Variants in FBXO15 observed in about 807,000 individuals in gnomAD.
The protein encoded by FBXO15 is F-box protein 15.
In FBXO15, 30 loss-of-function variants were observed where a neutral mutation model predicts 49.5. That is an observed-to-expected ratio of 0.61 (90% CI 0.45 to 0.82). The LOEUF is 0.82. FBXO15 is among the 40% of genes least tolerant of loss of function. The pLI is 0.00. For missense variants in FBXO15, 591 were observed against 631.5 expected, an observed-to-expected ratio of 0.94 and a Z score of 0.69; for synonymous variants, 250 against 232.7, an observed-to-expected ratio of 1.07 and a Z score of -0.68.
intron 8 of FBXO15, among the ~76,000 whole-genome samples, chr18:74,103,787 A>G (rs1286500939): frequency 6.6e-6 from 1 of 152,126 alleles, no homozygotes; most frequent in Non-Finnish European, 1.5e-5. Context: ...CTATCTTTCA[A>G]ATATGAAGGA....
intron 1 of FBXO15, among the ~76,000 whole-genome samples, chr18:74,143,398 T>C (rs9961346): frequency 0.088 from 13,364 of 152,236 alleles, 1,079 homozygotes; most frequent in African/African-American, 0.21. Flanking sequence ...ATGCTGGCTA[T>C]GTTACAAAGA....
chr18:74,092,285 T>C (rs1446511522), intron 8 of FBXO15, among the ~76,000 whole-genome samples: 1 of 152,244 alleles, frequency 6.6e-6, no homozygotes, highest in Admixed American at 6.5e-5. Flanking sequence ...CATTTTATTG[T>C]AGTCCTTAGA....
At chr18:74,131,242 G>A (rs1021807883) in intron 3 of FBXO15, among the ~76,000 whole-genome samples, 6 of 152,160 alleles carry the variant, frequency 3.9e-5, no homozygotes, top group African/African-American at 1.4e-4. Flanking sequence ...GTCAAGCATC[G>A]TTTAACCACT....
chr18:74,078,319 G>A (rs1912337089), intron 9 of FBXO15, among the ~76,000 whole-genome samples: 1 of 151,684 alleles, frequency 6.6e-6, no homozygotes, highest in African/African-American at 2.4e-5. Flanking sequence ...TCTTTCCTGA[G>A]GGTTTCAAGG....
Position 74,129,592 on chromosome 18 carries a change from T to G in FBXO15, c.598A>C (p.Ile200Leu), listed in dbSNP as rs199653489. The stretch of plus-strand genomic sequence containing the variant: ...TTTCCACCTTTTTCTTTCAGTATAA[T>G]TGCCCAACCTAAACCAAATATTCTG... ...ALRIFGLGWA[I>L]ILKEKGGKEY... Residue 200 changes from isoleucine (I) to leucine (L), a missense_variant, in exon 5 of 10, where the codon ATT becomes CTT. Ile to Leu is a conservative substitution (Grantham distance 5, BLOSUM62 2). Transcript: ENST00000419743. 6.2e-7 allele frequency: 1 copy of G among 1,612,052 alleles called. No individual in the cohort carries two copies. The highest frequency in any genetic ancestry group is 1.1e-5 in the South Asian group (1 of 90,894).
At chr18:74,118,696 T>C (rs1159440827) in intron 8 of FBXO15, among the ~76,000 whole-genome samples, 1 of 152,150 alleles carries the variant, frequency 6.6e-6, no homozygotes, top group Non-Finnish European at 1.5e-5. Flanking sequence ...AACTATGTCT[T>C]ATAAGCCATC....
chr18:74,114,745 G>T (rs1019486239), intron 8 of FBXO15, among the ~76,000 whole-genome samples: 1 of 151,996 alleles, frequency 6.6e-6, no homozygotes, highest in Non-Finnish European at 1.5e-5. Flanking sequence ...GCAAGTCTAG[G>T]GATCATACAT....
intron 8 of FBXO15, among the ~76,000 whole-genome samples, chr18:74,092,470 G>T (rs1691248855): frequency 6.6e-6 from 1 of 152,288 alleles, no homozygotes; most frequent in African/African-American, 2.4e-5. Flanking sequence ...AGTTGCCAGA[G>T]TTCTTGCAAT....
intron 1 of FBXO15, among the ~76,000 whole-genome samples, chr18:74,145,593 A>ATTTTTTTTT (rs1568186088): frequency 2.8e-5 from 3 of 108,140 alleles, no homozygotes; most frequent in African/African-American, 1.4e-4. Flanking sequence ...AACCAACTGC[A>ATTTTTTTTT]CTTTTTTTTT....
At chr18:74,081,870 CTTT>C (rs2145105753) in intron 9 of FBXO15, 54 bp downstream of exon 9, 1 of 1,231,204 alleles carries the variant, frequency 8.1e-7, no homozygotes, top group African/African-American at 1.6e-5. Context: ...TATAAACAGA[CTTT>C]TTATTATATA....
chr18:74,147,658 C>T lies in FBXO15; in HGVS notation c.116+12G>A. The stretch of plus-strand genomic sequence containing the variant: ...CCCGCCAGGGGACCCCACCCGCAGG[C>T]CCTACAGTCACCTGCACCCAAAGGC... On this transcript the variant is annotated intron_variant, in intron 1 of 9. Coordinates refer to ENST00000419743, the MANE Select transcript of FBXO15 (RefSeq NM_001142958.2). The T allele has an allele frequency of 7.0e-7, 1 of 1,435,560 alleles. No individual in the cohort carries two copies. The highest frequency in any genetic ancestry group is 1.5e-5 in the African/African-American group (1 of 67,258). The allele number at this position is 1,435,560 out of a possible 1,614,324, so 88.9% of individuals were successfully genotyped here.
intron 8 of FBXO15, among the ~76,000 whole-genome samples, chr18:74,105,181 G>C (rs1913697965): frequency 6.6e-6 from 1 of 152,282 alleles, no homozygotes; most frequent in East Asian, 1.9e-4. Flanking sequence ...ATGAGGAGAA[G>C]TTAATGGGTA....
chr18:74,136,999 A>G (rs1304736580), intron 2 of FBXO15, among the ~76,000 whole-genome samples: 1 of 152,230 alleles, frequency 6.6e-6, no homozygotes, highest in Non-Finnish European at 1.5e-5. Flanking sequence ...ACAGGAAAAT[A>G]ATCAGTCCTA....
rs1912162543 is a variant in FBXO15, at chr18:74,074,267, A to T, written c.1264-537T>A. ...ACATGTGCCAGCCTCCTGTCCACCC[A>T]CTCTCATTTCCAGGACTCTGGCACC... is the stretch of plus-strand genomic sequence containing the variant. On this transcript the variant is annotated intron_variant, in intron 9 of 9. Coordinates refer to ENST00000419743, the MANE Select transcript of FBXO15 (RefSeq NM_001142958.2). This position sits in a 1 kb window ranked among gnomAD's most constrained non-coding sequence, Gnocchi z 4.7. Among the ~76,000 whole-genome samples, 1 of 151,530 alleles carries T rather than the reference A, an allele frequency of 6.6e-6. No individual in the cohort carries two copies. The highest frequency in any genetic ancestry group is 1.5e-5 in the Non-Finnish European group (1 of 67,850).
intron 7 of FBXO15, 146 bp downstream of exon 7, chr18:74,124,343 A>G (rs1482048138): frequency 1.7e-5 from 11 of 643,124 alleles, no homozygotes; most frequent in Non-Finnish European, 2.1e-5. Flanking sequence ...TATTTTAGCG[A>G]CAGCTAATTG....
intron 1 of FBXO15, 88 bp downstream of exon 1, chr18:74,147,582 G>A (rs774355164): frequency 4.5e-6 from 6 of 1,318,966 alleles, no homozygotes; most frequent in Non-Finnish European, 5.8e-6. Context: ...GCGCCAAGCT[G>A]GACGAATAAA....
At chr18:74,147,515 G>A in intron 1 of FBXO15, 155 bp downstream of exon 1, 2 of 1,256,390 alleles carry the variant, frequency 1.6e-6, no homozygotes, top group Non-Finnish European at 2.0e-6. Flanking sequence ...GGGTAGAAAG[G>A]ATTTCCTCCG....
At chr18:74,085,730 T>C (rs1204953254) in intron 8 of FBXO15, among the ~76,000 whole-genome samples, 1 of 152,182 alleles carries the variant, frequency 6.6e-6, no homozygotes, top group Non-Finnish European at 1.5e-5. Flanking sequence ...TTTTCACAAA[T>C]GGTACAAAAA....
chr18:74,088,203 TA>T (rs374162703), intron 8 of FBXO15, among the ~76,000 whole-genome samples: 7 of 152,340 alleles, frequency 4.6e-5, no homozygotes, highest in African/African-American at 1.4e-4. Flanking sequence ...AGAAGCTCTT[TA>T]AAGTAAGTCC....
Sources: allele counts gnomAD v4.1 joint callset (sites outside exome capture counted in the v4.1 genomes callset), GRCh38; gene constraint gnomAD v4.1.1; non-coding constraint Gnocchi (gnomAD v3.1); transcripts MANE v1.5; gene names NCBI Gene and HGNC (gene_info 2026-07-23, HGNC 2026-07-21).